TIGIT: variants seen among roughly 807,000 people sequenced by gnomAD.
The protein encoded by TIGIT is T-cell immunoreceptor with Ig and ITIM domains.
Under a neutral mutation model 19.6 loss-of-function variants are expected in TIGIT, and 11 were observed. That is an observed-to-expected ratio of 0.56 (90% CI 0.35 to 0.93). The LOEUF (loss-of-function observed/expected upper bound fraction) is 0.93. Ranked by LOEUF, TIGIT falls within the 40% of genes least tolerant of loss-of-function variation. The probability of loss-of-function intolerance (pLI) is 0.01; values close to 1 mark genes in which losing one functional copy is unlikely to be tolerated. For missense variants in TIGIT, 295 were observed against 303.9 expected (o/e 0.97, Z 0.22); for synonymous variants, 130 against 125.5 (o/e 1.04, Z -0.24).
chr3:114,295,962 A>G (rs1391565711), intron 2 of TIGIT, 88 bp downstream of exon 2: 4 of 1,090,916 alleles, frequency 3.7e-6, no homozygotes, highest in Non-Finnish European at 5.3e-6. Context: ...AGGGCTTCTC[A>G]ATTCGGGATC....
intron 2 of TIGIT, among the ~76,000 whole-genome samples, chr3:114,297,098 G>T (rs566791761): frequency 9.2e-5 from 14 of 151,824 alleles, no homozygotes; most frequent in South Asian, 8.3e-4. Context: ...GTTTCTTCAC[G>T]TTGGTCAGGC....
chr3:114,303,896 C>G lies in TIGIT; in HGVS notation c.499-3999C>G, dbSNP rs1214654278. 2.6e-5 allele frequency among the ~76,000 whole-genome samples: 4 copies of G among 152,018 alleles called. No individual in the cohort carries two copies. The East Asian group carries it at 7.7e-4, about 29-fold the overall frequency. On this transcript the variant is annotated intron_variant, in intron 3 of 3. Coordinates refer to ENST00000383671, the MANE Select transcript of TIGIT (RefSeq NM_173799.4). ...TCCCACAAGCAGTGTAAAAGTGTTC[C>G]CCTTTCACCACATCCATGCCAACAT... is the stretch of plus-strand genomic sequence containing the variant.
In TIGIT at chr3:114,309,486, T is replaced by G. The variant is rs1044474715; in HGVS notation, c.*1355T>G. On this transcript the variant is annotated 3_prime_UTR_variant, in exon 4 of 4. Transcript: ENST00000383671. ...TTGCGCATGGTTAAAAATAAAGCAT[T>G]GTCCTGCTTCCTAAGACTTAGACTG... 6.6e-6 allele frequency: 1 copy of G among 152,202 alleles called. No homozygotes were observed. Among genetic ancestry groups the G allele is most frequent in the Non-Finnish European group, 1.5e-5 (1 of 68,036 alleles). The allele number at this position is 152,202 out of a possible 1,614,324, so 9.4% of individuals were successfully genotyped here. A position where few individuals can be genotyped will look rare whatever the true frequency, so the allele number is the denominator to read the frequency against.
At chr3:114,305,752 C>T (rs2078529343) in intron 3 of TIGIT, among the ~76,000 whole-genome samples, 1 of 149,996 alleles carries the variant, frequency 6.7e-6, no homozygotes, top group Admixed American at 6.6e-5. Context: ...TTATGGGTCT[C>T]CGGAGGGACA....
In TIGIT at chr3:114,308,529, T is replaced by G. The variant is rs1052193372; in HGVS notation, c.*398T>G. 4 of 156,854 alleles carry G rather than the reference T, an allele frequency of 2.6e-5. No homozygotes were observed. The highest frequency in any genetic ancestry group is 9.6e-5 in the African/African-American group (4 of 41,474). 9.7% of individuals were successfully genotyped at this position (156,854 alleles called of 1,614,324 possible). On this transcript the variant is annotated 3_prime_UTR_variant, in exon 4 of 4. Coordinates refer to ENST00000383671, the MANE Select transcript of TIGIT (RefSeq NM_173799.4). ...GACTGCAGAGCCATCCTCATCTCAT[T>G]TTTTCACGTCATTTTCAGTAACTTT...
chr3:114,310,115 A>T lies in TIGIT; in HGVS notation c.*1984A>T, dbSNP rs944868453. The T allele has an allele frequency of 2.0e-5, 3 of 152,126 alleles. No individual in the cohort carries two copies. The highest frequency in any genetic ancestry group is 4.4e-5 in the Non-Finnish European group (3 of 68,028). 9.4% of individuals were successfully genotyped at this position (152,126 alleles called of 1,614,324 possible). ...CACATGTGGCCATCAACCACTTAAG[A>T]TGGGGTTAGTTTAAATCAAGATGTG... On this transcript the variant is annotated 3_prime_UTR_variant, in exon 4 of 4. Coordinates refer to ENST00000383671, the MANE Select transcript of TIGIT (RefSeq NM_173799.4).
At position 114,308,099 on chromosome 3, in the gene TIGIT, G is replaced by A; in HGVS notation, c.703G>A (p.Gly235Ser). The A allele has an allele frequency of 1.9e-6, 3 of 1,614,094 alleles. No individual in the cohort carries two copies. Among genetic ancestry groups the A allele is most frequent in the Admixed American group, 1.7e-5 (1 of 60,012 alleles). Residue 235 changes from glycine (G) to serine (S), a missense_variant, in exon 4 of 4, where the codon GGT becomes AGT. Transcript: ENST00000383671. ...CAATGTCCTGAGTTACAGAAGCCTGGGTAACTGCAGCTTCTTCACAGAGAC... is the reference window on the plus strand; with the variant it reads ...CAATGTCCTGAGTTACAGAAGCCTGAGTAACTGCAGCTTCTTCACAGAGAC... The part of the protein sequence containing the change: ...YFNVLSYRSL[G>S]NCSFFTETG
At position 114,295,608 on chromosome 3, in the gene TIGIT, T is replaced by C; in HGVS notation, c.125T>C (p.Ile42Thr). 1 of 1,614,160 alleles carries C rather than the reference T, an allele frequency of 6.2e-7. No homozygotes were observed. The part of the protein sequence containing the change: ...NISAEKGGSI[I>T]LQCHLSSTTA... ...TCTGCAGAGAAAGGTGGCTCTATCATCTTACAATGTCACCTCTCCTCCACC... is the reference window on the plus strand; with the variant it reads ...TCTGCAGAGAAAGGTGGCTCTATCACCTTACAATGTCACCTCTCCTCCACC... The change falls in exon 2 of 4, where the codon ATC becomes ACC. Residue 42 changes from isoleucine (I) to threonine (T), a missense_variant. Physicochemically the swap from Ile to Thr is moderately conservative, Grantham distance 89 (BLOSUM62 -1). Transcript: ENST00000383671.
Position 114,310,167 on chromosome 3 carries a change from T to G in TIGIT, c.*2036T>G, listed in dbSNP as rs2078562486. 1 of 152,184 alleles carries G rather than the reference T, an allele frequency of 6.6e-6. No individual in the cohort carries two copies. The allele number at this position is 152,184 out of a possible 1,614,324, so 9.4% of individuals were successfully genotyped here. A position where few individuals can be genotyped will look rare whatever the true frequency, so the allele number is the denominator to read the frequency against. On this transcript the variant is annotated 3_prime_UTR_variant, in exon 4 of 4. Coordinates refer to ENST00000383671, the MANE Select transcript of TIGIT (RefSeq NM_173799.4). ...TGTTATAATTGGTATAAGCATAAAA[T>G]CACACTAGATTCTGGAGATTTAATA...
rs150330225 is a variant in TIGIT, at chr3:114,301,773, T to C, written c.498+2070T>C. Reference sequence around the variant, plus strand: ...CCCCAGCCCTCTCTGACATTTCCACTGCTTCCTGTGTAGTGTGGGTCCTCT... The same window carrying C: ...CCCCAGCCCTCTCTGACATTTCCACCGCTTCCTGTGTAGTGTGGGTCCTCT... On this transcript the variant is annotated intron_variant, in intron 3 of 3. Transcript: ENST00000383671. Among the ~76,000 whole-genome samples, 404 of 152,354 alleles carry C rather than the reference T, an allele frequency of 2.7e-3. 2 individuals are homozygous for C. Among genetic ancestry groups the C allele is most frequent in the Middle Eastern group, 0.01 (3 of 294 alleles).
intron 2 of TIGIT, among the ~76,000 whole-genome samples, chr3:114,297,613 G>T (rs2683790): frequency 0.021 from 3,265 of 152,268 alleles, 117 homozygotes; most frequent in African/African-American, 0.067. Flanking sequence ...GGTAGTACCA[G>T]CAACTGAAGA....
At chr3:114,305,817 GAT>G (rs2078530115) in intron 3 of TIGIT, among the ~76,000 whole-genome samples, 1 of 151,428 alleles carries the variant, frequency 6.6e-6, no homozygotes, top group Non-Finnish European at 1.5e-5. Flanking sequence ...TGGATGGATG[GAT>G]GGATGGATGG....
chr3:114,306,107 G>C (rs1457898964), intron 3 of TIGIT, among the ~76,000 whole-genome samples: 3 of 152,122 alleles, frequency 2.0e-5, no homozygotes, highest in African/African-American at 7.2e-5. Context: ...CAGGAGCACT[G>C]GTTTAAGTCC....
Position 114,308,077 on chromosome 3 carries a change from T to G in TIGIT, c.681T>G (p.Asn227Lys). ...EDCAELHDYF[N>K]VLSYRSLGNC... The stretch of plus-strand genomic sequence containing the variant: ...GTGCCGAGCTGCATGACTACTTCAA[T>G]GTCCTGAGTTACAGAAGCCTGGGTA... The change falls in exon 4 of 4, where the codon AAT becomes AAG. Residue 227 changes from asparagine (N) to lysine (K), a missense_variant. By Grantham distance (94) the Asn-to-Lys change is moderately conservative. Coordinates refer to ENST00000383671, the MANE Select transcript of TIGIT (RefSeq NM_173799.4). 6.2e-7 allele frequency: 1 copy of G among 1,614,222 alleles called. No individual in the cohort carries two copies. The highest frequency in any genetic ancestry group is 1.6e-4 in the Middle Eastern group (1 of 6,062).
chr3:114,305,462 T>C (rs1002335383), intron 3 of TIGIT, among the ~76,000 whole-genome samples: 1 of 152,084 alleles, frequency 6.6e-6, no homozygotes, highest in African/African-American at 2.4e-5. Context: ...AAGGAAGCAG[T>C]ATAGGGAGGG....
chr3:114,296,761 C>G (rs1576136405), intron 2 of TIGIT, among the ~76,000 whole-genome samples: 1 of 152,262 alleles, frequency 6.6e-6, no homozygotes, highest in African/African-American at 2.4e-5. Context: ...TTTTGTTCTA[C>G]TAAACTGCAT....
chr3:114,295,201 T>G (rs1212665638), intron 1 of TIGIT: 19 of 241,134 alleles, frequency 7.9e-5, no homozygotes, highest in East Asian at 2.1e-4. Context: ...GTGGGCGAGG[T>G]GTAAAGAGGG....
Position 114,305,620 on chromosome 3 carries a change from CGAGG to C in TIGIT, c.499-2273_499-2270del, listed in dbSNP as rs1452166339. On this transcript the variant is annotated intron_variant, in intron 3 of 3. Coordinates refer to ENST00000383671, the MANE Select transcript of TIGIT (RefSeq NM_173799.4). The stretch of plus-strand genomic sequence containing the variant: ...GTCATTACTTCTGGCTGCTCACCAG[CGAGG>C]GCCCAAGAGCAATTCTCCAGAGAAG... 1.8e-4 allele frequency among the ~76,000 whole-genome samples: 28 copies of C among 152,192 alleles called. No homozygotes were observed. In the East Asian group the frequency reaches 4.1e-3, roughly 22 times the overall value.
intron 3 of TIGIT, among the ~76,000 whole-genome samples, chr3:114,304,379 T>G (rs1457126916): frequency 1.3e-5 from 2 of 152,232 alleles, no homozygotes; most frequent in Non-Finnish European, 2.9e-5. Context: ...TTTAGTAGGT[T>G]TATTCTCTGA....
Sources: allele counts gnomAD v4.1 joint callset (sites outside exome capture counted in the v4.1 genomes callset), GRCh38; gene constraint gnomAD v4.1.1; transcripts MANE v1.5; gene names NCBI Gene and HGNC (gene_info 2026-07-23, HGNC 2026-07-21).